Variants in CDH3 observed in about 807,000 individuals in gnomAD.
CDH3 encodes the protein cadherin 3.
Under a neutral mutation model 82.0 loss-of-function variants are expected in CDH3, and 54 were observed. The ratio of observed to expected loss-of-function variants is 0.66; its 90% CI spans 0.53 to 0.83. The LOEUF is 0.83. CDH3 is among the 40% of genes least tolerant of loss of function. CDH3 has a pLI of 0.00. For missense variants in CDH3, 1,054 were observed against 1,084.6 expected, an observed-to-expected ratio of 0.97 and a Z score of 0.40; for synonymous variants, 446 against 437.9, an observed-to-expected ratio of 1.02 and a Z score of -0.23.
intron 1 of CDH3, among the ~76,000 whole-genome samples, chr16:68,708,603 TTCTG>T (rs1256656658): frequency 7.9e-5 from 12 of 152,200 alleles, no homozygotes; most frequent in East Asian, 5.8e-4. Flanking sequence ...GCTTTATCTT[TTCTG>T]TCTTTCTTTC....
In CDH3 at chr16:68,680,365, A is replaced by G. The variant is rs189245802; in HGVS notation, c.867+391A>G. Among the ~76,000 whole-genome samples, 9 of 152,278 alleles carry G rather than the reference A, an allele frequency of 5.9e-5. No homozygotes were observed. In the East Asian group the frequency reaches 1.7e-3, roughly 29 times the overall value. ...TGCCTGTTTCCTAATTGATACCTTT[A>G]TCCAAATCCTCACTCAAAACTCTTT... On this transcript the variant is annotated intron_variant, in intron 7 of 15. Coordinates refer to ENST00000264012, the MANE Select transcript of CDH3 (RefSeq NM_001793.6).
At chr16:68,696,508 T>G in intron 15 of CDH3, 1 of 184,262 alleles carries the variant, frequency 5.4e-6, no homozygotes, top group Non-Finnish European at 1.1e-5. Context: ...GGCAGATCAC[T>G]TGACGTCAGG....
At chr16:68,660,696 T>A (rs1029285443) in intron 2 of CDH3, among the ~76,000 whole-genome samples, 14 of 152,292 alleles carry the variant, frequency 9.2e-5, no homozygotes, top group Non-Finnish European at 7.4e-5. Context: ...CTGGGGCTCA[T>A]GCCTGTAATC....
chr16:68,698,065 C>T (rs75388922), intron 15 of CDH3, 126 bp from the exon 16 acceptor site: 1 of 863,666 alleles, frequency 1.2e-6, no homozygotes, highest in Admixed American at 2.0e-5. Context: ...ATAACGCATT[C>T]TTTCATTTCT....
At chr16:68,646,245 C>A in intron 2 of CDH3, 1 of 170,668 alleles carries the variant, frequency 5.9e-6, no homozygotes, top group Non-Finnish European at 1.2e-5. Context: ...CCTTCTTCCT[C>A]GGCAGCTGGA....
chr16:68,719,170 G>C (rs183124530), intron 1 of CDH3, among the ~76,000 whole-genome samples: 1 of 151,730 alleles, frequency 6.6e-6, no homozygotes, highest in East Asian at 1.9e-4. Context: ...TTGAACCCAG[G>C]AGGTGGAGGT....
downstream of CDH3, among the ~76,000 whole-genome samples, chr16:68,729,906 C>G (rs1962266260): frequency 6.6e-6 from 1 of 152,094 alleles, no homozygotes; most frequent in Admixed American, 6.6e-5. Flanking sequence ...AGTGCTGGGA[C>G]TACAGGTGTG....
At chr16:68,731,388 A>T (rs1962286141), downstream of CDH3, among the ~76,000 whole-genome samples, 2 of 26,166 alleles carry the variant, frequency 7.6e-5, no homozygotes, top group South Asian at 8.6e-4. Context: ...AAAAAAAAAA[A>T]AAAAAAAATA....
chr16:68,686,495 A>G (rs1961416887), intron 11 of CDH3: 11 of 1,183,330 alleles, frequency 9.3e-6, no homozygotes, highest in Non-Finnish European at 1.4e-5. Flanking sequence ...AATCTCAAGG[A>G]AAAGTATTGC....
At chr16:68,695,661 A>G (rs900416294) in intron 14 of CDH3, 116 bp from the exon 15 acceptor site, 3 of 1,223,420 alleles carry the variant, frequency 2.5e-6, no homozygotes, top group Non-Finnish European at 3.6e-6. Context: ...CTGTCTTGTA[A>G]GACCTCCCCA....
At chr16:68,656,865 C>G (rs1360585356) in intron 2 of CDH3, among the ~76,000 whole-genome samples, 1 of 152,156 alleles carries the variant, frequency 6.6e-6, no homozygotes, top group African/African-American at 2.4e-5. Flanking sequence ...GACCTCTGGC[C>G]TCCCTTTTAA....
intron 11 of CDH3, 44 bp from the exon 12 acceptor site, chr16:68,687,468 T>G: frequency 1.3e-6 from 2 of 1,523,888 alleles, no homozygotes; most frequent in Non-Finnish European, 1.8e-6. Context: ...TGAGGCTGAC[T>G]GGGTGGGTCA....
chr16:68,719,648 C>T (rs1962140204), intron 1 of CDH3, among the ~76,000 whole-genome samples: 1 of 151,558 alleles, frequency 6.6e-6, no homozygotes, highest in African/African-American at 2.4e-5. Context: ...TAGCTGGGAC[C>T]TCAGGCACAC....
downstream of CDH3, among the ~76,000 whole-genome samples, chr16:68,702,039 C>A (rs772626987): frequency 4.6e-5 from 7 of 151,742 alleles, no homozygotes; most frequent in African/African-American, 1.4e-4. Context: ...ATATATATAT[C>A]TATAGATATA....
At chr16:68,702,249 C>T (rs189534806), downstream of CDH3, among the ~76,000 whole-genome samples, 3 of 152,186 alleles carry the variant, frequency 2.0e-5, no homozygotes, top group Admixed American at 2.0e-4. Context: ...TTACTGTCCC[C>T]AACACATCCA....
At chr16:68,664,869 C>T (rs1006243604) in intron 2 of CDH3, among the ~76,000 whole-genome samples, 1 of 151,948 alleles carries the variant, frequency 6.6e-6, no homozygotes, top group African/African-American at 2.4e-5. Flanking sequence ...AGGCTGGTCT[C>T]AAACTCCTGG....
At chr16:68,711,111 G>A (rs1962024429) in intron 1 of CDH3, among the ~76,000 whole-genome samples, 1 of 151,834 alleles carries the variant, frequency 6.6e-6, no homozygotes, top group Non-Finnish European at 1.5e-5. Flanking sequence ...GGGAGTTTGA[G>A]ACCAGCCTGA....
Position 68,691,773 on chromosome 16 carries a change from G to A in CDH3, c.1849G>A (p.Val617Met), listed in dbSNP as rs779116238. ...GTTCCTGAAGCAGGATACATATGAC[G>A]TGCACCTTTCTCTGTCTGACCATGG... ...KKFLKQDTYD[V>M]HLSLSDHGNK... Residue 617 changes from valine to methionine, a missense_variant, in exon 13 of 16, where the codon GTG becomes ATG. Transcript: ENST00000264012. 8 of 1,614,130 alleles carry A rather than the reference G, an allele frequency of 5.0e-6. No individual in the cohort carries two copies. The highest frequency in any genetic ancestry group is 1.3e-5 in the African/African-American group (1 of 75,024).
intron 14 of CDH3, 85 bp downstream of exon 14, chr16:68,695,470 T>G: frequency 7.1e-7 from 1 of 1,402,386 alleles, no homozygotes; most frequent in Non-Finnish European, 9.8e-7. Flanking sequence ...CTGACCAAGT[T>G]AGCTGTGTTG....
Sources: allele counts gnomAD v4.1 joint callset (sites outside exome capture counted in the v4.1 genomes callset), GRCh38; gene constraint gnomAD v4.1.1; transcripts MANE v1.5; gene names NCBI Gene and HGNC (gene_info 2026-07-23, HGNC 2026-07-21).